Variants in FECH observed in about 807,000 individuals in gnomAD.
The protein encoded by FECH is ferrochelatase, also known as ferrochelatase, mitochondrial.
FECH carries 40 observed loss-of-function variants against 56.9 expected under a neutral mutation model. The observed-to-expected ratio is 0.70, with a 90% CI of 0.55 to 0.92. The LOEUF (loss-of-function observed/expected upper bound fraction) is 0.92, where lower values mean the gene tolerates loss of function less well. Among genes scored for constraint, FECH ranks in the 40% least tolerant of loss-of-function variants. The probability of loss-of-function intolerance (pLI) is 0.00; values close to 1 mark genes in which losing one functional copy is unlikely to be tolerated. For synonymous variants in FECH, 175 were observed against 198.6 expected (o/e 0.88, Z 1.00); for missense variants, 431 against 529.1 (o/e 0.81, Z 1.82).
chr18:57,568,669 T>G (rs1438094891), intron 4 of FECH, among the ~76,000 whole-genome samples: 2 of 152,164 alleles, frequency 1.3e-5, no homozygotes, highest in African/African-American at 4.8e-5. Context: ...TTACGTACCC[T>G]CAGAGCAGCT....
At chr18:57,579,182 A>G (rs949172534) in intron 2 of FECH, among the ~76,000 whole-genome samples, 2 of 150,146 alleles carry the variant, frequency 1.3e-5, no homozygotes, top group African/African-American at 4.9e-5. Context: ...CGGGAGGTGG[A>G]GGCTGCAGTG....
At chr18:57,551,039 A>T in intron 10 of FECH, 193 bp from the exon 11 acceptor site, 1 of 696,716 alleles carries the variant, frequency 1.4e-6, no homozygotes, top group South Asian at 1.8e-5. Flanking sequence ...GTTAAAACAG[A>T]GATTTCAGGA....
In FECH at chr18:57,554,467, T is replaced by C. The variant is rs28451199; in HGVS notation, c.913-43A>G. On this transcript the variant is annotated intron_variant, in intron 8 of 10. Transcript: ENST00000262093. ...GAATGCGTAAGTGGACTATGCCTCCTGACGGTCTGTAGTACCCCTGTTTGC... is the reference window on the plus strand; with the variant it reads ...GAATGCGTAAGTGGACTATGCCTCCCGACGGTCTGTAGTACCCCTGTTTGC... 3 of 1,610,634 alleles carry C rather than the reference T, an allele frequency of 1.9e-6. No homozygotes were observed. The South Asian group carries it at 3.3e-5, about 18-fold the overall frequency.
Position 57,545,094 on chromosome 18 carries a change from C to G in FECH, c.*5618G>C, listed in dbSNP as rs569795169. Among the ~76,000 whole-genome samples, 2 of 152,250 alleles carry G rather than the reference C, an allele frequency of 1.3e-5. No individual in the cohort carries two copies. Among genetic ancestry groups the G allele is most frequent in the Non-Finnish European group, 2.9e-5 (2 of 68,010 alleles). On this transcript the variant is annotated 3_prime_UTR_variant, in exon 11 of 11. Transcript: ENST00000262093. ...GTAAAGCTTTGACCCGCAGGGGAGA[C>G]TGGAGAGGGGAAGTTGGCCTGTCTG...
chr18:57,566,004 G>A (rs942651674), intron 5 of FECH, among the ~76,000 whole-genome samples: 4 of 152,206 alleles, frequency 2.6e-5, no homozygotes, highest in African/African-American at 9.6e-5. Context: ...CATAACTGAA[G>A]CAAAACAACG....
At chr18:57,565,466 C>G (rs1055189322) in intron 5 of FECH, among the ~76,000 whole-genome samples, 5 of 151,622 alleles carry the variant, frequency 3.3e-5, no homozygotes, top group Non-Finnish European at 7.4e-5. Context: ...ATTAGCCGAG[C>G]GTGGTGGCAC....
At chr18:57,581,240 C>T (rs1416283936) in intron 1 of FECH, among the ~76,000 whole-genome samples, 1 of 152,232 alleles carries the variant, frequency 6.6e-6, no homozygotes, top group South Asian at 2.1e-4. Context: ...CTATATCCCA[C>T]ATACCATATA....
At position 57,549,805 on chromosome 18, in the gene FECH, T is replaced by C. The variant is rs765888443; in HGVS notation, c.*907A>G. On this transcript the variant is annotated 3_prime_UTR_variant, in exon 11 of 11. Coordinates refer to ENST00000262093, the MANE Select transcript of FECH (RefSeq NM_000140.5). ...ATTAAGAAAGAATTCAAGCAAAGTA[T>C]TGTTGACTTTATAAAATAATTCTTA... 8.5e-5 allele frequency: 13 copies of C among 152,260 alleles called. No individual in the cohort carries two copies. The highest frequency in any genetic ancestry group is 1.8e-4 in the Non-Finnish European group (12 of 68,048). The allele number at this position is 152,260 out of a possible 1,614,324, so 9.4% of individuals were successfully genotyped here.
intron 1 of FECH, among the ~76,000 whole-genome samples, chr18:57,585,283 A>G (rs1162749209): frequency 6.6e-6 from 1 of 152,248 alleles, no homozygotes; most frequent in African/African-American, 2.4e-5. Flanking sequence ...TATTATAACT[A>G]TGCCTTCAAA....
chr18:57,586,165 G>A (rs2051368751), intron 1 of FECH, among the ~76,000 whole-genome samples: 1 of 152,212 alleles, frequency 6.6e-6, no homozygotes, highest in Non-Finnish European at 1.5e-5. Context: ...TGTCCATGGT[G>A]GTGATGATGA....
At chr18:57,559,748 T>G (rs2050917449) in intron 6 of FECH, among the ~76,000 whole-genome samples, 2 of 152,176 alleles carry the variant, frequency 1.3e-5, no homozygotes. Context: ...GAGCCTCATA[T>G]CCCCATCAAG....
intron 4 of FECH, 117 bp from the exon 5 acceptor site, chr18:57,566,698 A>G (rs1423506387): frequency 7.8e-7 from 1 of 1,289,370 alleles, no homozygotes; most frequent in Admixed American, 1.9e-5. Context: ...TTCCTATGGC[A>G]CTGACGGTGA....
intron 5 of FECH, among the ~76,000 whole-genome samples, chr18:57,564,131 G>A (rs1433361533): frequency 6.6e-6 from 1 of 152,178 alleles, no homozygotes; most frequent in Non-Finnish European, 1.5e-5. Context: ...GCCCGCCTGG[G>A]CCTCCCAAAG....
intron 1 of FECH, among the ~76,000 whole-genome samples, chr18:57,580,629 C>T (rs1221915882): frequency 6.6e-6 from 1 of 152,178 alleles, no homozygotes; most frequent in African/African-American, 2.4e-5. Flanking sequence ...GTTCTCCTTT[C>T]TGCCTCCAAG....
chr18:57,569,660 C>T (rs2051067521), intron 4 of FECH, among the ~76,000 whole-genome samples: 1 of 152,064 alleles, frequency 6.6e-6, no homozygotes, highest in Non-Finnish European at 1.5e-5. Context: ...TGGGCTCAAG[C>T]AATCCTTCTG....
chr18:57,559,113 A>T (rs773586614), intron 7 of FECH, 32 bp downstream of exon 7: 1 of 1,396,764 alleles, frequency 7.2e-7, no homozygotes, highest in Non-Finnish European at 1.0e-6. Context: ...ATCCTCTATC[A>T]CTAGGTCATC....
rs73959096 is a variant in FECH at position 57,551,585 on chromosome 18, C to T, written c.1078-211G>A. On this transcript the variant is annotated intron_variant, in intron 9 of 10. Coordinates refer to ENST00000262093, the MANE Select transcript of FECH (RefSeq NM_000140.5). ...TGTTATCATAAATTATTCCTCAATT[C>T]TTATGTCCTTCCCCTTCCCCATTAC... Among the ~76,000 whole-genome samples the T allele has an allele frequency of 7.4e-3, 1,124 of 152,178 alleles. 13 individuals carry two copies. Among genetic ancestry groups the T allele is most frequent in the African/African-American group, 0.026 (1,074 of 41,506 alleles).
At position 57,559,255 on chromosome 18, in the gene FECH, A is replaced by C. The variant is rs1436383534; in HGVS notation, c.706-12T>G. ...TGATCTGCAAAGCACTGAGTGAGTA[A>C]CAAGAAAGGAGGATAAAGAGGAAGG... On this transcript the variant is annotated splice_polypyrimidine_tract_variant and intron_variant, in intron 6 of 10. Coordinates refer to ENST00000262093, the MANE Select transcript of FECH (RefSeq NM_000140.5). The C allele has an allele frequency of 6.5e-7, 1 of 1,545,446 alleles. No homozygotes were observed. Among genetic ancestry groups the C allele is most frequent in the Non-Finnish European group, 8.9e-7 (1 of 1,117,624 alleles).
In FECH at chr18:57,554,311, A is replaced by T. The variant is rs377450442; in HGVS notation, c.1026T>A (p.Ile342=). The T allele has an allele frequency of 3.1e-6, 5 of 1,614,130 alleles. No homozygotes were observed. The highest frequency in any genetic ancestry group is 2.5e-6 in the Non-Finnish European group (3 of 1,180,044). ...CGATGTCCAGCTCATACAGCGTTTC[A>T]ATATGGTCACTGGTAAATGCTATCG... ...LVPIAFTSDH[I]ETLYELDIEY... The change falls in exon 9 of 11, where the codon ATT becomes ATA. Residue 342 remains isoleucine (I), a synonymous_variant. Coordinates refer to ENST00000262093, the MANE Select transcript of FECH (RefSeq NM_000140.5).
Sources: gnomAD v4.1 joint callset for allele counts (sites outside exome capture counted in the v4.1 genomes callset) on GRCh38, gnomAD v4.1.1 for gene constraint, MANE v1.5 for transcripts, NCBI Gene and HGNC (gene_info 2026-07-23, HGNC 2026-07-21) for gene names.